The following GALNT1 variants were observed in gnomAD, a reference collection of about 807,000 sequenced individuals.
GALNT1 encodes the protein polypeptide N-acetylgalactosaminyltransferase 1, also known as GalNAc transferase 1.
In GALNT1, 17 loss-of-function variants were observed where a neutral mutation model predicts 65.7. The ratio of observed to expected loss-of-function variants is 0.26; its 90% CI spans 0.18 to 0.39. The LOEUF is 0.39. GALNT1 is among the 10% of genes least tolerant of loss of function. The pLI, the probability that GALNT1 is intolerant of heterozygous loss-of-function variation, is 1.00. For missense variants in GALNT1, 460 were observed against 672.8 expected (o/e 0.68, Z 3.50); for synonymous variants, 210 against 219.7 (o/e 0.96, Z 0.39).
rs1266456504 is a variant in GALNT1, at chr18:35,654,662, C to T, written c.-1C>T. Reference sequence around the variant, plus strand: ...AAATTTTGCATTTGACTTAAAGTGCCATGAGAAAATTTGCATACTGCAAGG... The same window carrying T: ...AAATTTTGCATTTGACTTAAAGTGCTATGAGAAAATTTGCATACTGCAAGG... On this transcript the variant is annotated 5_prime_UTR_variant, in exon 2 of 12. Coordinates refer to ENST00000269195, the MANE Select transcript of GALNT1 (RefSeq NM_020474.4). 2 of 1,397,026 alleles carry T rather than the reference C, an allele frequency of 1.4e-6. No individual in the cohort carries two copies. Among genetic ancestry groups the T allele is most frequent in the Non-Finnish European group, 9.3e-7 (1 of 1,069,570 alleles). 86.5% of individuals were successfully genotyped at this position (1,397,026 alleles called of 1,614,324 possible). A position where few individuals can be genotyped will look rare whatever the true frequency, so the allele number is the denominator to read the frequency against.
chr18:35,617,655 A>G (rs748468464), intron 1 of GALNT1, among the ~76,000 whole-genome samples: 3 of 152,174 alleles, frequency 2.0e-5, no homozygotes, highest in Non-Finnish European at 4.4e-5. Flanking sequence ...TTTTACCTCT[A>G]ACATTCTTCA....
chr18:35,582,824 G>C (rs2046338772), intron 1 of GALNT1, among the ~76,000 whole-genome samples: 3 of 152,224 alleles, frequency 2.0e-5, no homozygotes, highest in Non-Finnish European at 4.4e-5. Flanking sequence ...CCTAGACCTT[G>C]TTAGTCCAGT....
At chr18:35,668,116 G>C (rs1191177838) in intron 3 of GALNT1, among the ~76,000 whole-genome samples, 1 of 152,148 alleles carries the variant, frequency 6.6e-6, no homozygotes, top group Non-Finnish European at 1.5e-5. Context: ...AAGATGGAAA[G>C]TTACTGAACT....
At chr18:35,583,158 T>A (rs2046342777) in intron 1 of GALNT1, among the ~76,000 whole-genome samples, 1 of 152,216 alleles carries the variant, frequency 6.6e-6, no homozygotes, top group Admixed American at 6.5e-5. Context: ...CCTTTGAGGA[T>A]GTTTCCATGG....
At chr18:35,613,985 A>G (rs1373827040) in intron 1 of GALNT1, among the ~76,000 whole-genome samples, 2 of 152,170 alleles carry the variant, frequency 1.3e-5, no homozygotes, top group Non-Finnish European at 2.9e-5. Context: ...GCCTCAGAGA[A>G]TTGACACAGG....
chr18:35,706,459 G>A (rs981497263), intron 11 of GALNT1, among the ~76,000 whole-genome samples: 5 of 152,118 alleles, frequency 3.3e-5, no homozygotes, highest in East Asian at 1.9e-4. Flanking sequence ...CCGATACCGC[G>A]CCACTGCACT....
intron 1 of GALNT1, among the ~76,000 whole-genome samples, chr18:35,623,968 G>T (rs1189183467): frequency 6.6e-6 from 1 of 151,946 alleles, no homozygotes; most frequent in African/African-American, 2.4e-5. Context: ...TTGTATACTG[G>T]ATATTGTGGA....
chr18:35,706,591 T>C (rs72968455), intron 11 of GALNT1, among the ~76,000 whole-genome samples: 8,520 of 152,276 alleles, frequency 0.056, 276 homozygotes, highest in South Asian at 0.072. Flanking sequence ...TTTTTCCTGC[T>C]GAGATAAAAC....
chr18:35,605,447 A>C (rs1375963244), intron 1 of GALNT1, among the ~76,000 whole-genome samples: 1 of 151,576 alleles, frequency 6.6e-6, no homozygotes, highest in Non-Finnish European at 1.5e-5. Flanking sequence ...GCCGTGAGCC[A>C]AGATTGTGCC....
chr18:35,604,295 A>T (rs2143981822), intron 1 of GALNT1, among the ~76,000 whole-genome samples: 1 of 152,334 alleles, frequency 6.6e-6, no homozygotes, highest in African/African-American at 2.4e-5. Flanking sequence ...TATATGTACC[A>T]CATTTTCTTT....
intron 2 of GALNT1, among the ~76,000 whole-genome samples, chr18:35,656,856 C>G (rs987390111): frequency 6.6e-6 from 1 of 152,122 alleles, no homozygotes; most frequent in African/African-American, 2.4e-5. Flanking sequence ...GAGCTTGGAA[C>G]AGACACTAAA....
intron 9 of GALNT1, among the ~76,000 whole-genome samples, chr18:35,698,791 A>C (rs2048105567): frequency 6.6e-6 from 1 of 152,104 alleles, no homozygotes; most frequent in South Asian, 2.1e-4. Context: ...AGCCTGGCCA[A>C]GATGGTGAAA....
intron 1 of GALNT1, among the ~76,000 whole-genome samples, chr18:35,589,964 A>C (rs1184972915): frequency 6.6e-6 from 1 of 151,992 alleles, no homozygotes; most frequent in African/African-American, 2.4e-5. Flanking sequence ...CTCTCTCCTT[A>C]CTCCTCATGG....
intron 1 of GALNT1, among the ~76,000 whole-genome samples, chr18:35,640,277 G>A (rs191193634): frequency 1.4e-3 from 218 of 152,104 alleles, no homozygotes; most frequent in African/African-American, 3.2e-3. Context: ...AGAAATCTTC[G>A]CAAGGTAGCT....
intron 1 of GALNT1, among the ~76,000 whole-genome samples, chr18:35,630,976 C>T (rs1228128519): frequency 4.6e-5 from 7 of 152,156 alleles, no homozygotes; most frequent in Admixed American, 4.6e-4. Flanking sequence ...AATTCCTCGA[C>T]ACATACACTC....
chr18:35,648,458 T>C (rs543370894), intron 1 of GALNT1, among the ~76,000 whole-genome samples: 22 of 152,288 alleles, frequency 1.4e-4, no homozygotes, highest in Admixed American at 7.2e-4. Flanking sequence ...TTATGATGGG[T>C]TTATTGGTAC....
chr18:35,600,267 A>G (rs754617915), intron 1 of GALNT1, among the ~76,000 whole-genome samples: 1 of 151,744 alleles, frequency 6.6e-6, no homozygotes, highest in South Asian at 2.1e-4. Flanking sequence ...TAGGTATTTT[A>G]TATTTTTTGT....
At chr18:35,626,684 C>T (rs1203274841) in intron 1 of GALNT1, among the ~76,000 whole-genome samples, 2 of 152,170 alleles carry the variant, frequency 1.3e-5, no homozygotes, top group African/African-American at 2.4e-5. Flanking sequence ...GGTCTGGCTC[C>T]ATGAAATCAT....
At chr18:35,689,351 T>C in intron 7 of GALNT1, 61 bp downstream of exon 7, 1 of 903,174 alleles carries the variant, frequency 1.1e-6, no homozygotes, top group Non-Finnish European at 1.8e-6. Flanking sequence ...GTGCATTGAT[T>C]ATTCATGTAT....
Sources: allele counts gnomAD v4.1 joint callset (sites outside exome capture counted in the v4.1 genomes callset), GRCh38; gene constraint gnomAD v4.1.1; transcripts MANE v1.5; gene names NCBI Gene and HGNC (gene_info 2026-07-23, HGNC 2026-07-21).